CPVL: variants seen among roughly 807,000 people sequenced by gnomAD.
CPVL encodes the protein carboxypeptidase vitellogenic like, also known as probable serine carboxypeptidase CPVL.
A neutral mutation model predicts 63.7 loss-of-function variants in CPVL; 51 were observed. The observed-to-expected ratio is 0.80, with a 90% CI of 0.64 to 1.01. The LOEUF (loss-of-function observed/expected upper bound fraction) is 1.01. Among genes scored for constraint, CPVL ranks in the 50% least tolerant of loss-of-function variants. CPVL has a pLI of 0.00. For synonymous variants in CPVL, 195 were observed against 206.0 expected, an observed-to-expected ratio of 0.95 and a Z score of 0.46; for missense variants, 530 against 573.1, an observed-to-expected ratio of 0.92 and a Z score of 0.77.
intron 11 of CPVL, among the ~76,000 whole-genome samples, chr7:29,032,197 C>T (rs1344419941): frequency 1.3e-5 from 2 of 151,964 alleles, no homozygotes; most frequent in Admixed American, 1.3e-4. Flanking sequence ...TCCGTCTTTC[C>T]CTTTACGGTG....
intron 11 of CPVL, among the ~76,000 whole-genome samples, chr7:29,055,471 G>C (rs918235742): frequency 6.8e-6 from 1 of 146,866 alleles, no homozygotes; most frequent in Non-Finnish European, 1.5e-5. Flanking sequence ...GGCTGGTCTT[G>C]AACTCCTGAC....
At position 29,072,398 on chromosome 7, in the gene CPVL, G is replaced by T. The variant is rs1470609932; in HGVS notation, c.635C>A (p.Ala212Asp). The T allele has an allele frequency of 1.9e-6, 3 of 1,613,966 alleles. No individual in the cohort carries two copies. The highest frequency in any genetic ancestry group is 2.5e-6 in the Non-Finnish European group (3 of 1,179,876). ...GESYAGKYVP[A>D]IAHLIHSLNP... ...GAGGGAATGGATGAGGTGTGCAATG[G>T]CTGGCACATATTTCCCTGCATAAGA... is the stretch of plus-strand genomic sequence containing the variant. Residue 212 changes from alanine (A) to aspartate (D), a missense_variant, in exon 8 of 13, where the codon GCC becomes GAC. Coordinates refer to ENST00000265394, the MANE Select transcript of CPVL (RefSeq NM_031311.5).
At chr7:29,125,931 A>G (rs751015570) in intron 1 of CPVL, among the ~76,000 whole-genome samples, 1 of 152,220 alleles carries the variant, frequency 6.6e-6, no homozygotes, top group Non-Finnish European at 1.5e-5. Flanking sequence ...GGACCTTGGT[A>G]AGACAGTAAC....
intron 3 of CPVL, among the ~76,000 whole-genome samples, chr7:29,110,628 T>A (rs1012427120): frequency 6.6e-6 from 1 of 152,204 alleles, no homozygotes; most frequent in African/African-American, 2.4e-5. Context: ...CTCAATAATC[T>A]AGGCAAATGT....
intron 12 of CPVL, among the ~76,000 whole-genome samples, chr7:29,027,269 T>C (rs955306788): frequency 3.9e-5 from 6 of 152,102 alleles, no homozygotes; most frequent in African/African-American, 1.4e-4. Flanking sequence ...AAGAAAAACA[T>C]CTGATAAAAT....
chr7:29,109,326 C>A (rs1788027989), intron 3 of CPVL, among the ~76,000 whole-genome samples: 1 of 152,136 alleles, frequency 6.6e-6, no homozygotes, highest in African/African-American at 2.4e-5. Flanking sequence ...AGCATCCCCC[C>A]AAAAAATACT....
At position 29,048,985 on chromosome 7, in the gene CPVL, C is replaced by T. The variant is rs192396900; in HGVS notation, c.1137+15076G>A. 2.6e-3 allele frequency among the ~76,000 whole-genome samples: 401 copies of T among 152,068 alleles called. 1 individual carries two copies. The highest frequency in any genetic ancestry group is 3.8e-3 in the Non-Finnish European group (256 of 67,976). ...AAGCTGAACGACAATAATGACACAA[C>T]CTATCAAAACCTCTGGGATACAGCA... On this transcript the variant is annotated intron_variant, in intron 11 of 12. Transcript: ENST00000265394.
chr7:29,091,096 T>C (rs2075127), intron 6 of CPVL, among the ~76,000 whole-genome samples: 86,853 of 152,042 alleles, frequency 0.57, 25,791 homozygotes, highest in African/African-American at 0.72. Context: ...TTAGCTATTT[T>C]CCAGTTCTAA....
At chr7:29,158,537 T>C (rs1488885151) in intron 5 of CPVL, among the ~76,000 whole-genome samples, 1 of 36,808 alleles carries the variant, frequency 2.7e-5, no homozygotes, top group Non-Finnish European at 6.2e-5. Flanking sequence ...TGTGATAATA[T>C]TGATACTTAA....
rs6978024 is a variant in CPVL at position 29,138,456 on chromosome 7, G to C, written c.-11+7973C>G. On this transcript the variant is annotated intron_variant, in intron 1 of 12. Transcript: ENST00000265394. ...CTACGTCTCCAAATAATAATAATAA[G>C]AAGAAGAAGAAGAAAGTAAAACTGG... Among the ~76,000 whole-genome samples, 783 of 151,362 alleles carry C rather than the reference G, an allele frequency of 5.2e-3. 7 individuals carry two copies. The highest frequency in any genetic ancestry group is 0.018 in the African/African-American group (742 of 41,356).
At chr7:29,082,265 T>C (rs1210624166) in intron 7 of CPVL, 2 of 152,204 alleles carry the variant, frequency 1.3e-5, no homozygotes, top group African/African-American at 2.4e-5. Context: ...TTGAACTTTC[T>C]AGTAAAGCAA....
chr7:29,012,600 A>C (rs976639679), intron 12 of CPVL: 18 of 152,226 alleles, frequency 1.2e-4, no homozygotes, highest in Admixed American at 8.5e-4. Context: ...GATACTACTG[A>C]CTGGAAGACA....
chr7:29,152,893 CAG>C (rs1267593203), intron 5 of CPVL, among the ~76,000 whole-genome samples: 2 of 152,224 alleles, frequency 1.3e-5, no homozygotes, highest in Admixed American at 6.5e-5. Context: ...ACAAGGACCT[CAG>C]AATTCTTTGC....
At chr7:29,113,050 G>A (rs1788412550) in intron 2 of CPVL, 1 of 433,210 alleles carries the variant, frequency 2.3e-6, no homozygotes, top group Admixed American at 3.5e-5. Context: ...TTTGGGGAGG[G>A]GTGCCCAAAT....
intron 7 of CPVL, among the ~76,000 whole-genome samples, chr7:29,074,732 C>T (rs968253627): frequency 6.6e-6 from 1 of 151,154 alleles, no homozygotes; most frequent in African/African-American, 2.4e-5. Flanking sequence ...CATGCTCTCT[C>T]TCTCTCTCTC....
At chr7:29,129,626 T>C (rs948132011) in intron 1 of CPVL, among the ~76,000 whole-genome samples, 1 of 151,968 alleles carries the variant, frequency 6.6e-6, no homozygotes, top group African/African-American at 2.4e-5. Context: ...GTGCTACCAC[T>C]CCTGGCTAAT....
rs138930562 is a variant in CPVL at position 29,114,506 on chromosome 7, T to C, written c.170-1684A>G. ...CTTAGCTGAGCATGGTGGCAGTGCT[T>C]GTAGTCCCAGCAACTCGGGAGGCTG... On this transcript the variant is annotated intron_variant, in intron 2 of 12. Transcript: ENST00000265394. Among the ~76,000 whole-genome samples the C allele has an allele frequency of 8.5e-3, 1,286 of 152,028 alleles. 10 individuals carry two copies. The highest frequency in any genetic ancestry group is 0.017 in the Admixed American group (261 of 15,272).
chr7:28,997,275 A>G (rs1036922869), intron 12 of CPVL, among the ~76,000 whole-genome samples: 1 of 152,234 alleles, frequency 6.6e-6, no homozygotes, highest in African/African-American at 2.4e-5. Flanking sequence ...TGCAAAAAGG[A>G]CATCACTTTC....
chr7:29,071,609 C>G (rs1439642606), intron 9 of CPVL, among the ~76,000 whole-genome samples, 164 bp downstream of exon 9: 1 of 152,150 alleles, frequency 6.6e-6, no homozygotes, highest in Non-Finnish European at 1.5e-5. Context: ...CAGTCCTTTT[C>G]TTCATTATGA....
Sources: gnomAD v4.1 joint callset for allele counts (sites outside exome capture counted in the v4.1 genomes callset) on GRCh38, gnomAD v4.1.1 for gene constraint, MANE v1.5 for transcripts, NCBI Gene and HGNC (gene_info 2026-07-23, HGNC 2026-07-21) for gene names.